Variants in PPP2CB observed in about 807,000 individuals in gnomAD.
PPP2CB encodes serine/threonine-protein phosphatase 2A catalytic subunit beta isoform.
PPP2CB carries 18 observed loss-of-function variants against 39.1 expected under a neutral mutation model. The ratio of observed to expected loss-of-function variants is 0.46; its 90% CI spans 0.32 to 0.68. The LOEUF (loss-of-function observed/expected upper bound fraction) is 0.68, where lower values mean the gene tolerates loss of function less well. PPP2CB is among the 30% of genes least tolerant of loss of function. The pLI is 0.04. For missense variants in PPP2CB, 226 were observed against 396.9 expected, an observed-to-expected ratio of 0.57 and a Z score of 3.66; for synonymous variants, 129 against 133.8, an observed-to-expected ratio of 0.96 and a Z score of 0.25.
At chr8:30,804,397 G>A (rs1253170864) in intron 1 of PPP2CB, among the ~76,000 whole-genome samples, 2 of 152,186 alleles carry the variant, frequency 1.3e-5, no homozygotes, top group African/African-American at 4.8e-5. Flanking sequence ...GCTCTGACCT[G>A]CGGACCATTA....
intron 1 of PPP2CB, among the ~76,000 whole-genome samples, chr8:30,807,463 G>A (rs183052449): frequency 2.0e-5 from 3 of 152,192 alleles, no homozygotes; most frequent in East Asian, 1.9e-4. Context: ...CAAGGCTAAC[G>A]CCAGGACTTA....
chr8:30,791,825 T>A (rs1470397747), intron 5 of PPP2CB, among the ~76,000 whole-genome samples: 2 of 151,850 alleles, frequency 1.3e-5, no homozygotes, highest in Non-Finnish European at 2.9e-5. Flanking sequence ...TGCTAATTAA[T>A]GTATGTGTAT....
intron 1 of PPP2CB, among the ~76,000 whole-genome samples, chr8:30,800,463 C>T (rs1806602008): frequency 6.6e-6 from 1 of 152,178 alleles, no homozygotes; most frequent in African/African-American, 2.4e-5. Flanking sequence ...CATTCTTACA[C>T]CAATTCATAG....
rs1417104552 is a variant in PPP2CB, at chr8:30,807,722, G to A, written c.102+4598C>T. 2.6e-5 allele frequency among the ~76,000 whole-genome samples: 4 copies of A among 152,178 alleles called. No individual in the cohort carries two copies. In the East Asian group the frequency reaches 7.7e-4, roughly 29 times the overall value. On this transcript the variant is annotated intron_variant, in intron 1 of 6. Coordinates refer to ENST00000221138, the MANE Select transcript of PPP2CB (RefSeq NM_001009552.2). ...TTAAATATAGTTCTAGTCACAGAGT[G>A]TCCTGAGCAGTGCCAGCCTGGCTCT...
chr8:30,811,620 C>A (rs1806828079), intron 1 of PPP2CB, among the ~76,000 whole-genome samples: 1 of 151,762 alleles, frequency 6.6e-6, no homozygotes, highest in Admixed American at 6.6e-5. Flanking sequence ...CTCAGCCTCC[C>A]GAATAGCTGG....
chr8:30,785,809 CAATAA>C lies in PPP2CB; in HGVS notation c.*421_*425del. ...CTTCAGTTAAGTTAATTATACATTT[CAATAA>C]AATAAAGGATAATGGATTAGTGGAA... On this transcript the variant is annotated 3_prime_UTR_variant, in exon 7 of 7. Coordinates refer to ENST00000221138, the MANE Select transcript of PPP2CB (RefSeq NM_001009552.2). 2 of 304,536 alleles carry C rather than the reference CAATAA, an allele frequency of 6.6e-6. No homozygotes were observed. Among genetic ancestry groups the C allele is most frequent in the Non-Finnish European group, 1.3e-5 (2 of 154,924 alleles). The allele number at this position is 304,536 out of a possible 1,614,324, so 18.9% of individuals were successfully genotyped here.
chr8:30,788,851 T>G (rs1447055551), intron 6 of PPP2CB, among the ~76,000 whole-genome samples: 1 of 152,206 alleles, frequency 6.6e-6, no homozygotes, highest in Non-Finnish European at 1.5e-5. Context: ...CCTTGTTCTT[T>G]CCATGTCTTA....
At position 30,791,291 on chromosome 8, in the gene PPP2CB, T is replaced by C. The variant is rs1426424513; in HGVS notation, c.763A>G (p.Asn255Asp). Residue 255 changes from asparagine to aspartate, a missense_variant, in exon 6 of 7, where the codon AAT becomes GAT. Transcript: ENST00000221138. ...GGTGCACTGAAAATGGTAACCACAT[T>C]CCGATCATGACACCAATTGTATCCC... is the stretch of plus-strand genomic sequence containing the variant. ...MEGYNWCHDR[N>D]VVTIFSAPNY... is the part of the protein sequence containing the mutation. 1 of 1,611,542 alleles carries C rather than the reference T, an allele frequency of 6.2e-7. No homozygotes were observed. The highest frequency in any genetic ancestry group is 8.5e-7 in the Non-Finnish European group (1 of 1,179,120).
chr8:30,797,919 C>A lies in PPP2CB; in HGVS notation c.313-165G>T, dbSNP rs540516434. ...AAAACTTGCTTATTCATAACCAGGT[C>A]TTACTGGTTAACATTTGACGTGTTT... is the stretch of plus-strand genomic sequence containing the variant. On this transcript the variant is annotated intron_variant, in intron 2 of 6. Transcript: ENST00000221138. Among the ~76,000 whole-genome samples, 3 of 152,280 alleles carry A rather than the reference C, an allele frequency of 2.0e-5. No individual in the cohort carries two copies. The East Asian group carries it at 5.8e-4, about 29-fold the overall frequency.
rs144046211 is a variant in PPP2CB at position 30,786,822 on chromosome 8, C to T, written c.858-515G>A. Among the ~76,000 whole-genome samples, 246 of 143,764 alleles carry T rather than the reference C, an allele frequency of 1.7e-3. 1 individual carries two copies. The highest frequency in any genetic ancestry group is 6.4e-3 in the African/African-American group (227 of 35,528). The allele number at this position is 143,764 out of a possible 152,430, so 94.3% of individuals were successfully genotyped here. On this transcript the variant is annotated intron_variant, in intron 6 of 6. Transcript: ENST00000221138. The stretch of plus-strand genomic sequence containing the variant: ...GGGACTACAGGAACCCATTACCATG[C>T]CCGGCTAATTTTCTTATTTTTTTTT...
At chr8:30,787,670 A>G (rs1806366273) in intron 6 of PPP2CB, among the ~76,000 whole-genome samples, 2 of 152,214 alleles carry the variant, frequency 1.3e-5, no homozygotes, top group Non-Finnish European at 2.9e-5. Context: ...GACTTCATCA[A>G]TGAAGCCAAT....
chr8:30,805,708 C>A (rs1806711996), intron 1 of PPP2CB, among the ~76,000 whole-genome samples: 1 of 152,148 alleles, frequency 6.6e-6, no homozygotes. Flanking sequence ...CACTTAAATT[C>A]ACCACTGTAT....
intron 5 of PPP2CB, chr8:30,793,169 C>A (rs1806465559): frequency 6.6e-6 from 1 of 151,976 alleles, no homozygotes; most frequent in Admixed American, 6.6e-5. Flanking sequence ...GTCATGACTG[C>A]CAAAAATGCA....
chr8:30,812,202 G>T, intron 1 of PPP2CB, 118 bp downstream of exon 1: 1 of 638,618 alleles, frequency 1.6e-6, no homozygotes, highest in Non-Finnish European at 2.1e-6. Context: ...CGGACCCACA[G>T]CCCCGCAGGC....
chr8:30,786,356 A>G, intron 6 of PPP2CB, 49 bp from the exon 7 acceptor site: 1 of 1,412,236 alleles, frequency 7.1e-7, no homozygotes, highest in Non-Finnish European at 9.8e-7. Flanking sequence ...CTTTGCAAAG[A>G]AAACAAATGA....
intron 1 of PPP2CB, among the ~76,000 whole-genome samples, chr8:30,809,577 G>A (rs1806789089): frequency 6.6e-6 from 1 of 152,086 alleles, no homozygotes; most frequent in Non-Finnish European, 1.5e-5. Flanking sequence ...CCATCAATGG[G>A]GGTAGAGAAC....
intron 1 of PPP2CB, 69 bp downstream of exon 1, chr8:30,812,251 G>A: frequency 4.9e-6 from 6 of 1,237,102 alleles, no homozygotes; most frequent in Non-Finnish European, 5.3e-6. Flanking sequence ...GGACGGGACC[G>A]GGGCGGGCAG....
chr8:30,797,128 C>G (rs1007662646), intron 3 of PPP2CB, among the ~76,000 whole-genome samples: 8 of 152,114 alleles, frequency 5.3e-5, no homozygotes, highest in Admixed American at 5.2e-4. Flanking sequence ...GCCACTGTGC[C>G]CAGCCAAGCA....
intron 1 of PPP2CB, among the ~76,000 whole-genome samples, chr8:30,808,829 A>G (rs1185024118): frequency 6.6e-6 from 1 of 152,206 alleles, no homozygotes; most frequent in Non-Finnish European, 1.5e-5. Flanking sequence ...ATTTCTTACA[A>G]AAGAAAATGG....
Sources: gnomAD v4.1 joint callset for allele counts (sites outside exome capture counted in the v4.1 genomes callset) on GRCh38, gnomAD v4.1.1 for gene constraint, MANE v1.5 for transcripts, NCBI Gene and HGNC (gene_info 2026-07-23, HGNC 2026-07-21) for gene names.